Variants in DAB1 observed in about 807,000 individuals in gnomAD.
DAB1 encodes disabled homolog 1.
Under a neutral mutation model 64.6 loss-of-function variants are expected in DAB1, and 15 were observed. The ratio of observed to expected loss-of-function variants is 0.23; its 90% CI spans 0.16 to 0.36. DAB1 has a LOEUF of 0.36. Ranked by LOEUF, DAB1 falls within the 10% of genes least tolerant of loss-of-function variation. DAB1 has a pLI of 1.00. For synonymous variants in DAB1, 235 were observed against 251.9 expected (o/e 0.93, Z 0.64); for missense variants, 596 against 706.7 (o/e 0.84, Z 1.78).
At chr1:57,773,973 G>C (rs1557472689) in intron 6 of DAB1, among the ~76,000 whole-genome samples, 1 of 151,938 alleles carries the variant, frequency 6.6e-6, no homozygotes, top group Non-Finnish European at 1.5e-5. Context: ...TATTTTGGCT[G>C]TTTTAGGTCT....
chr1:57,148,328 A>G (rs1659344959), intron 2 of DAB1, among the ~76,000 whole-genome samples: 1 of 152,224 alleles, frequency 6.6e-6, no homozygotes, highest in South Asian at 2.1e-4. Flanking sequence ...AGCCCAATTT[A>G]GATTAGGACC....
intron 9 of DAB1, among the ~76,000 whole-genome samples, chr1:57,058,879 G>A (rs967853427): frequency 1.4e-4 from 22 of 152,208 alleles, no homozygotes; most frequent in African/African-American, 2.2e-4. Flanking sequence ...GCAAAGCCGC[G>A]TGAGATGTGA....
chr1:58,412,551 A>C (rs1644681923), intron 3 of DAB1, among the ~76,000 whole-genome samples: 1 of 152,186 alleles, frequency 6.6e-6, no homozygotes, highest in Non-Finnish European at 1.5e-5. Flanking sequence ...AATCGTGGAC[A>C]CTCAGGATTG....
At chr1:57,650,094 A>G (rs1033337412) in intron 6 of DAB1, among the ~76,000 whole-genome samples, 3 of 152,246 alleles carry the variant, frequency 2.0e-5, no homozygotes, top group African/African-American at 7.2e-5. Flanking sequence ...CTTAAAAGCG[A>G]TCAGACCCTT....
intron 1 of DAB1, among the ~76,000 whole-genome samples, chr1:57,384,075 A>G (rs1681595167): frequency 6.6e-6 from 1 of 152,214 alleles, no homozygotes; most frequent in Non-Finnish European, 1.5e-5. Context: ...TTTAAAAATG[A>G]GCAAAAGACT....
intron 7 of DAB1, among the ~76,000 whole-genome samples, chr1:57,549,113 T>C (rs1644886849): frequency 6.6e-6 from 1 of 152,182 alleles, no homozygotes; most frequent in Admixed American, 6.6e-5. Context: ...AGGTTAAAAG[T>C]CTCAATTTTG....
rs187418391 is a variant in DAB1 at position 58,328,652 on chromosome 1, C to A, written n.309+14700G>T. Among the ~76,000 whole-genome samples, 9 of 152,254 alleles carry A rather than the reference C, an allele frequency of 5.9e-5. No homozygotes were observed. The East Asian group carries it at 1.5e-3, about 26-fold the overall frequency. ...ATGGAGTCTTGCTCTGTCACCCAGGCTGGAATACAGTGGAGTAATCTCGGC... is the reference window on the plus strand; with the variant it reads ...ATGGAGTCTTGCTCTGTCACCCAGGATGGAATACAGTGGAGTAATCTCGGC... On this transcript the variant is annotated intron_variant and non_coding_transcript_variant, in intron 4 of 20. Transcript: ENST00000485760.
chr1:57,313,107 T>G (rs1674873564), intron 1 of DAB1, among the ~76,000 whole-genome samples: 1 of 152,130 alleles, frequency 6.6e-6, no homozygotes. Flanking sequence ...AGTGCCCCAG[T>G]TTTTAGGCAC....
intron 3 of DAB1, among the ~76,000 whole-genome samples, chr1:57,142,296 TAAGTGGGCCTTTTTGG>T (rs150084759): frequency 0.024 from 3,602 of 152,158 alleles, 84 homozygotes; most frequent in South Asian, 0.11. Flanking sequence ...CTAACGTGAG[TAAGTGGGCCTTTTTGG>T]AAGGGTAAGA....
chr1:58,300,635 AGAGAGAGAGAG>A (rs1557726208), intron 4 of DAB1, among the ~76,000 whole-genome samples: 4,629 of 72,966 alleles, frequency 0.063, 417 homozygotes, highest in Non-Finnish European at 0.089. Flanking sequence ...AGAGAGAGAG[AGAGAGAGAGAG>A]AGGAAGGAAG....
At chr1:57,859,296 T>C (rs988914767) in intron 1 of DAB1, among the ~76,000 whole-genome samples, 7 of 152,204 alleles carry the variant, frequency 4.6e-5, no homozygotes, top group Non-Finnish European at 1.0e-4. Flanking sequence ...GACCAAACAT[T>C]TGGAACCTTT....
chr1:57,071,098 A>G, intron 6 of DAB1, 37 bp from the exon 7 acceptor site: 1 of 1,578,758 alleles, frequency 6.3e-7, no homozygotes, highest in Non-Finnish European at 8.7e-7. Context: ...TGAAAAGCAG[A>G]GGACATAAAG....
intron 6 of DAB1, among the ~76,000 whole-genome samples, chr1:57,679,270 T>C (rs3126035): frequency 0.74 from 112,070 of 152,118 alleles, 42,211 homozygotes; most frequent in East Asian, 0.93. Context: ...AAGTTGTTGG[T>C]GAGGGTGAGA....
intron 5 of DAB1, among the ~76,000 whole-genome samples, chr1:58,054,647 T>C (rs985595332): frequency 6.6e-5 from 10 of 152,180 alleles, no homozygotes; most frequent in African/African-American, 2.4e-4. Context: ...TTCCTCACCA[T>C]GGGGATAAGT....
chr1:57,266,871 A>G (rs927830856), intron 2 of DAB1, among the ~76,000 whole-genome samples: 1 of 152,132 alleles, frequency 6.6e-6, no homozygotes, highest in Non-Finnish European at 1.5e-5. Context: ...ATCCACAACA[A>G]TTCCACAAAA....
Position 57,465,823 on chromosome 1 carries a change from G to T in DAB1, n.626-174657C>A, listed in dbSNP as rs1425317557. 3.3e-5 allele frequency among the ~76,000 whole-genome samples: 5 copies of T among 152,134 alleles called. No individual in the cohort carries two copies. In the East Asian group the frequency reaches 9.6e-4, roughly 29 times the overall value. On this transcript the variant is annotated intron_variant and non_coding_transcript_variant, in intron 7 of 20. Coordinates refer to the DAB1 transcript ENST00000485760. ...AGGATTCCCTATTCAGTATCTGAGTGAACAGAGAAAAAACTGAATGTAAAG... is the reference window on the plus strand; with the variant it reads ...AGGATTCCCTATTCAGTATCTGAGTTAACAGAGAAAAAACTGAATGTAAAG...
chr1:57,534,486 G>A (rs1276149523), intron 7 of DAB1, among the ~76,000 whole-genome samples: 1 of 152,176 alleles, frequency 6.6e-6, no homozygotes, highest in Non-Finnish European at 1.5e-5. Context: ...CCCTGCTCCA[G>A]GCTGTGGGAT....
At chr1:57,749,925 C>T (rs1222798309) in intron 6 of DAB1, among the ~76,000 whole-genome samples, 2 of 151,980 alleles carry the variant, frequency 1.3e-5, no homozygotes, top group Non-Finnish European at 2.9e-5. Flanking sequence ...GTTCTGGATG[C>T]TTTTATTTTA....
chr1:57,589,913 A>G (rs1037209819), intron 7 of DAB1, among the ~76,000 whole-genome samples: 1 of 152,238 alleles, frequency 6.6e-6, no homozygotes, highest in Admixed American at 6.5e-5. Context: ...AGTAAGCAGT[A>G]TAGGAGATAA....
Sources: allele counts gnomAD v4.1 joint callset (sites outside exome capture counted in the v4.1 genomes callset), GRCh38; gene constraint gnomAD v4.1.1; transcripts MANE v1.5; gene names NCBI Gene and HGNC (gene_info 2026-07-23, HGNC 2026-07-21).